The following GPC5 variants were observed in gnomAD, a reference collection of about 807,000 sequenced individuals.
GPC5 encodes glypican-5.
A neutral mutation model predicts 53.9 loss-of-function variants in GPC5; 47 were observed. The observed-to-expected ratio is 0.87, with a 90% confidence interval of 0.69 to 1.11. GPC5 has a LOEUF of 1.11. Ranked by LOEUF, GPC5 falls within the 50% of genes most tolerant of loss-of-function variation. GPC5 has a pLI of 0.00. For missense variants in GPC5, 748 were observed against 713.1 expected, an observed-to-expected ratio of 1.05 and a Z score of -0.56; for synonymous variants, 286 against 263.3, an observed-to-expected ratio of 1.09 and a Z score of -0.84.
At chr13:92,352,317 A>G (rs1394650752) in intron 7 of GPC5, among the ~76,000 whole-genome samples, 1 of 152,230 alleles carries the variant, frequency 6.6e-6, no homozygotes, top group Non-Finnish European at 1.5e-5. Context: ...AACATCTATT[A>G]GACTCAAGTA....
intron 2 of GPC5, among the ~76,000 whole-genome samples, chr13:91,603,167 G>A (rs1224982769): frequency 1.3e-5 from 2 of 152,242 alleles, no homozygotes; most frequent in Non-Finnish European, 2.9e-5. Flanking sequence ...GGCATTTCTA[G>A]TTCAGGGCAG....
chr13:92,009,806 G>A (rs2040643490), intron 6 of GPC5, among the ~76,000 whole-genome samples: 1 of 152,112 alleles, frequency 6.6e-6, no homozygotes, highest in Admixed American at 6.5e-5. Flanking sequence ...TAGCAATTAA[G>A]GACTCACCTT....
chr13:91,793,623 T>C (rs1362449157), intron 5 of GPC5, among the ~76,000 whole-genome samples: 2 of 152,152 alleles, frequency 1.3e-5, no homozygotes, highest in African/African-American at 2.4e-5. Flanking sequence ...TTCACACTGC[T>C]ATAAAGAAAC....
At chr13:91,558,314 C>T (rs1226509848) in intron 2 of GPC5, among the ~76,000 whole-genome samples, 1 of 151,026 alleles carries the variant, frequency 6.6e-6, no homozygotes, top group Non-Finnish European at 1.5e-5. Context: ...TATTAGTTAA[C>T]TTAAAGATAG....
chr13:92,585,401 C>T (rs1883506420), intron 7 of GPC5, among the ~76,000 whole-genome samples: 1 of 152,206 alleles, frequency 6.6e-6, no homozygotes, highest in Non-Finnish European at 1.5e-5. Context: ...TGCGTGGGGC[C>T]TGTAGCCCCT....
At chr13:92,558,302 C>T (rs1444397247) in intron 7 of GPC5, among the ~76,000 whole-genome samples, 1 of 151,926 alleles carries the variant, frequency 6.6e-6, no homozygotes, top group Non-Finnish European at 1.5e-5. Flanking sequence ...TCTCAATGTT[C>T]TTCATTCTTT....
chr13:91,547,653 A>G (rs1055557898), intron 2 of GPC5, among the ~76,000 whole-genome samples: 1 of 152,098 alleles, frequency 6.6e-6, no homozygotes, highest in East Asian at 1.9e-4. Context: ...GCTAGCTAGC[A>G]TCACTCTAAT....
intron 6 of GPC5, among the ~76,000 whole-genome samples, chr13:92,071,399 T>C (rs2041210059): frequency 6.6e-6 from 1 of 152,196 alleles, no homozygotes; most frequent in African/African-American, 2.4e-5. Context: ...TATTCATCTA[T>C]ATTTTCTTCC....
chr13:91,832,098 C>T (rs1315732880), intron 5 of GPC5, among the ~76,000 whole-genome samples: 1 of 151,890 alleles, frequency 6.6e-6, no homozygotes, highest in Non-Finnish European at 1.5e-5. Flanking sequence ...GAGTTTAAAT[C>T]TCTTTGTAGG....
At chr13:92,838,160 T>TAACC (rs1878284095) in intron 7 of GPC5, among the ~76,000 whole-genome samples, 1 of 151,810 alleles carries the variant, frequency 6.6e-6, no homozygotes, top group African/African-American at 2.4e-5. Flanking sequence ...TTAAGGTGGT[T>TAACC]AGCTACCACC....
intron 7 of GPC5, among the ~76,000 whole-genome samples, chr13:92,183,506 A>G (rs2139038530): frequency 6.6e-6 from 1 of 152,288 alleles, no homozygotes; most frequent in South Asian, 2.1e-4. Context: ...CCATGTACCA[A>G]TTCAATCCTG....
intron 6 of GPC5, among the ~76,000 whole-genome samples, chr13:92,064,510 C>A (rs1040543795): frequency 6.6e-6 from 1 of 152,130 alleles, no homozygotes; most frequent in Non-Finnish European, 1.5e-5. Flanking sequence ...GTAATCCCAG[C>A]ACTTTGGGAG....
intron 6 of GPC5, among the ~76,000 whole-genome samples, chr13:91,912,738 GT>G (rs35613479): frequency 0.46 from 70,477 of 151,954 alleles, 19,124 homozygotes; most frequent in East Asian, 0.71. Context: ...GTTGTGACCA[GT>G]TTTTTATGAT....
intron 2 of GPC5, among the ~76,000 whole-genome samples, chr13:91,501,696 C>G (rs1884647428): frequency 1.3e-5 from 2 of 152,172 alleles, no homozygotes; most frequent in South Asian, 2.1e-4. Context: ...AATAATGCCA[C>G]AATAAACATA....
At chr13:92,814,215 C>CA in intron 7 of GPC5, among the ~76,000 whole-genome samples, 1 of 151,868 alleles carries the variant, frequency 6.6e-6, no homozygotes, top group Non-Finnish European at 1.5e-5. Context: ...AAAATTAACT[C>CA]AAAATCTACC....
intron 1 of GPC5, among the ~76,000 whole-genome samples, chr13:91,406,430 A>G (rs1304974610): frequency 6.6e-6 from 1 of 152,208 alleles, no homozygotes; most frequent in African/African-American, 2.4e-5. Context: ...GGCTAGGACC[A>G]TTAGCCCAAA....
intron 7 of GPC5, among the ~76,000 whole-genome samples, chr13:92,809,717 A>T (rs548976547): frequency 6.6e-6 from 1 of 152,316 alleles, no homozygotes; most frequent in East Asian, 1.9e-4. Context: ...CTGACCACAG[A>T]TCACCATAAC....
At chr13:92,058,855 T>C (rs887482086) in intron 6 of GPC5, among the ~76,000 whole-genome samples, 1 of 152,208 alleles carries the variant, frequency 6.6e-6, no homozygotes, top group Admixed American at 6.5e-5. Flanking sequence ...GAATTGGGTC[T>C]TTAGATTTAT....
At chr13:91,937,998 C>A (rs556081334) in intron 6 of GPC5, among the ~76,000 whole-genome samples, 2 of 152,086 alleles carry the variant, frequency 1.3e-5, no homozygotes, top group South Asian at 4.1e-4. Context: ...ACTGAGAATT[C>A]ATGAGACCAT....
Sources: gnomAD v4.1 joint callset for allele counts (sites outside exome capture counted in the v4.1 genomes callset) on GRCh38, gnomAD v4.1.1 for gene constraint, MANE v1.5 for transcripts, NCBI Gene and HGNC (gene_info 2026-07-23, HGNC 2026-07-21) for gene names.